The following TANC1 variants were observed in gnomAD, a reference collection of about 807,000 sequenced individuals.
The protein encoded by TANC1 is protein TANC1.
TANC1 carries 77 observed loss-of-function variants against 149.7 expected under a neutral mutation model. The observed-to-expected ratio is 0.51, with a 90% CI of 0.43 to 0.62. The LOEUF is 0.62. TANC1 is among the 20% of genes least tolerant of loss of function. The pLI is 0.00. For synonymous variants in TANC1, 854 were observed against 925.0 expected, an observed-to-expected ratio of 0.92 and a Z score of 1.39; for missense variants, 1,985 against 2,321.8, an observed-to-expected ratio of 0.85 and a Z score of 2.98.
chr2:159,006,709 A>C (rs1020618410), intron 2 of TANC1, among the ~76,000 whole-genome samples: 1 of 152,226 alleles, frequency 6.6e-6, no homozygotes, highest in Non-Finnish European at 1.5e-5. Context: ...GAGGAGACCC[A>C]CAGCATTTTT....
intron 2 of TANC1, among the ~76,000 whole-genome samples, chr2:159,002,796 GT>G (rs2036744278): frequency 6.6e-6 from 1 of 152,194 alleles, no homozygotes; most frequent in Admixed American, 6.5e-5. Flanking sequence ...TGCCTGAGCA[GT>G]GCTTTCTGTG....
intron 2 of TANC1, among the ~76,000 whole-genome samples, chr2:159,062,979 A>G (rs2042363754): frequency 6.9e-6 from 1 of 145,396 alleles, no homozygotes; most frequent in Non-Finnish European, 1.5e-5. Flanking sequence ...GTCTCAAAAA[A>G]AAAAAAAAAA....
At chr2:159,141,181 G>A (rs2051334024) in intron 5 of TANC1, among the ~76,000 whole-genome samples, 1 of 152,308 alleles carries the variant, frequency 6.6e-6, no homozygotes, top group East Asian at 1.9e-4. Context: ...TTTGGGGTCT[G>A]GCAAAGGCCT....
chr2:159,126,202 G>A (rs1251390637), intron 4 of TANC1, among the ~76,000 whole-genome samples: 1 of 152,118 alleles, frequency 6.6e-6, no homozygotes, highest in East Asian at 1.9e-4. Context: ...TGAGGGGATG[G>A]GATCTTGGAA....
chr2:159,120,350 G>A (rs762716788), intron 4 of TANC1, among the ~76,000 whole-genome samples: 1 of 152,074 alleles, frequency 6.6e-6, no homozygotes, highest in Admixed American at 6.6e-5. Flanking sequence ...ACTTGAGGGA[G>A]TAGTTTGTTT....
chr2:159,042,534 G>C (rs763971089), intron 2 of TANC1, among the ~76,000 whole-genome samples: 1 of 151,976 alleles, frequency 6.6e-6, no homozygotes, highest in African/African-American at 2.4e-5. Context: ...GCGGGAGGGT[G>C]GTGGATGACA....
In TANC1 at chr2:159,097,749, A is replaced by AG; in HGVS notation, c.176dup (p.Val60CysfsTer60). ...ACACCTATAGGGTGAGCTTGGCCAAAGGTGTCTCGATGTCTCTGCCTTCCT... is the reference window on the plus strand; with the variant it reads ...ACACCTATAGGGTGAGCTTGGCCAAAGGGTGTCTCGATGTCTCTGCCTTCCT... On this transcript the variant is annotated frameshift_variant, in exon 4 of 27. Coordinates refer to ENST00000263635, the MANE Select transcript of TANC1 (RefSeq NM_033394.3). LOFTEE classifies it high-confidence loss of function. 1 of 1,614,062 alleles carries AG rather than the reference A, an allele frequency of 6.2e-7. No homozygotes were observed. Among genetic ancestry groups the AG allele is most frequent in the Non-Finnish European group, 8.5e-7 (1 of 1,180,006 alleles).
chr2:159,012,540 A>G (rs2037875146), intron 2 of TANC1, among the ~76,000 whole-genome samples: 1 of 151,956 alleles, frequency 6.6e-6, no homozygotes, highest in Non-Finnish European at 1.5e-5. Context: ...CAAGAGACCC[A>G]GTTTTAAAGT....
chr2:159,229,377 C>T (rs950845904), intron 26 of TANC1, among the ~76,000 whole-genome samples: 11 of 152,224 alleles, frequency 7.2e-5, no homozygotes, highest in African/African-American at 2.4e-4. Context: ...CTGTAGAGTC[C>T]CACCTACCTA....
In TANC1 at chr2:159,224,332, T is replaced by C; in HGVS notation, c.3779T>C (p.Val1260Ala). 2 of 1,614,088 alleles carry C rather than the reference T, an allele frequency of 1.2e-6. No homozygotes were observed. The highest frequency in any genetic ancestry group is 1.7e-6 in the Non-Finnish European group (2 of 1,180,012). ...RAIGCRNTSV[V>A]VALLRKGAKL... is the part of the protein sequence containing the mutation. Reference sequence around the variant, plus strand: ...ATCGGCTGCCGGAACACATCTGTAGTGGTGGCGCTACTCAGAAAGGGAGCC... The same window carrying C: ...ATCGGCTGCCGGAACACATCTGTAGCGGTGGCGCTACTCAGAAAGGGAGCC... The change falls in exon 23 of 27, where the codon GTG (valine) becomes GCG (alanine). Residue 1260 changes from valine to alanine, a missense_variant. Physicochemically the swap from Val to Ala is moderately conservative, Grantham distance 64. This residue lies in a region of TANC1 where 920 missense variants were observed against 994.7 expected (regional missense o/e 0.92). Coordinates refer to ENST00000263635, the MANE Select transcript of TANC1 (RefSeq NM_033394.3).
chr2:159,128,052 T>C (rs2049659727), intron 4 of TANC1, among the ~76,000 whole-genome samples: 2 of 152,236 alleles, frequency 1.3e-5, no homozygotes, highest in Non-Finnish European at 2.9e-5. Context: ...AGAGTGGTGT[T>C]AGGTGACTTT....
chr2:159,031,988 G>T (rs781513411), intron 2 of TANC1, among the ~76,000 whole-genome samples: 10 of 152,136 alleles, frequency 6.6e-5, no homozygotes, highest in Non-Finnish European at 1.2e-4. Flanking sequence ...CTACAGAAAC[G>T]CTTAGGCTGT....
intron 4 of TANC1, among the ~76,000 whole-genome samples, chr2:159,116,890 G>T (rs2048322116): frequency 1.3e-5 from 2 of 152,202 alleles, no homozygotes; most frequent in Non-Finnish European, 1.5e-5. Context: ...TTATAACTTT[G>T]CTGAAGGTTA....
At chr2:159,061,486 G>A (rs951116267) in intron 2 of TANC1, among the ~76,000 whole-genome samples, 5 of 152,210 alleles carry the variant, frequency 3.3e-5, no homozygotes, top group Non-Finnish European at 7.3e-5. Context: ...AGCAGGCCTT[G>A]CTAAGGGCCC....
At chr2:159,101,656 T>C (rs1426726997) in intron 4 of TANC1, among the ~76,000 whole-genome samples, 2 of 152,192 alleles carry the variant, frequency 1.3e-5, no homozygotes, top group East Asian at 3.8e-4. Context: ...GCAAGTCTTT[T>C]TGGATTAAGA....
chr2:159,002,430 A>G (rs1172372524), intron 2 of TANC1, among the ~76,000 whole-genome samples: 2 of 152,182 alleles, frequency 1.3e-5, no homozygotes, highest in Admixed American at 1.3e-4. Context: ...AATCATGACC[A>G]ATTACCTGGC....
chr2:159,004,989 G>A (rs2037008965), intron 2 of TANC1, among the ~76,000 whole-genome samples: 1 of 152,182 alleles, frequency 6.6e-6, no homozygotes, highest in Non-Finnish European at 1.5e-5. Context: ...GAGAAATAAA[G>A]CGATGGGCCG....
At chr2:158,988,181 C>T (rs139366848) in intron 1 of TANC1, among the ~76,000 whole-genome samples, 413 of 151,784 alleles carry the variant, frequency 2.7e-3, no homozygotes, top group African/African-American at 9.5e-3. Context: ...AAAAATTAGC[C>T]GGTCGTGGTG....
chr2:159,194,708 A>G (rs1005460987), intron 17 of TANC1, among the ~76,000 whole-genome samples: 13 of 152,232 alleles, frequency 8.5e-5, no homozygotes, highest in Admixed American at 7.2e-4. Context: ...TGTCCAGGGG[A>G]AGGCAGAATT....
Sources: allele counts gnomAD v4.1 joint callset (sites outside exome capture counted in the v4.1 genomes callset), GRCh38; gene constraint gnomAD v4.1.1; regional missense constraint gnomAD v4.1.1; transcripts MANE v1.5; gene names NCBI Gene and HGNC (gene_info 2026-07-23, HGNC 2026-07-21).